WDR27: variants seen among roughly 807,000 people sequenced by gnomAD.
WDR27 encodes WD repeat domain 27.
WDR27 carries 100 observed loss-of-function variants against 114.4 expected under a neutral mutation model. The observed-to-expected ratio is 0.87, with a 90% CI of 0.74 to 1.03. The LOEUF (loss-of-function observed/expected upper bound fraction) is 1.03. Among genes scored for constraint, WDR27 ranks in the 50% least tolerant of loss-of-function variants. WDR27 has a pLI of 0.00. For synonymous variants in WDR27, 449 were observed against 423.1 expected, an observed-to-expected ratio of 1.06 and a Z score of -0.75; for missense variants, 1,129 against 1,092.9, an observed-to-expected ratio of 1.03 and a Z score of -0.47.
intron 25 of WDR27, among the ~76,000 whole-genome samples, chr6:169,497,006 CT>C (rs1458731287): frequency 3.9e-5 from 6 of 152,050 alleles, no homozygotes; most frequent in African/African-American, 1.4e-4. Flanking sequence ...AAGAACAAAA[CT>C]GGAGGACCTA....
intron 24 of WDR27, among the ~76,000 whole-genome samples, chr6:169,577,224 G>A (rs1296059728): frequency 6.6e-6 from 1 of 152,236 alleles, no homozygotes; most frequent in Non-Finnish European, 1.5e-5. Flanking sequence ...GGTGCTGCGA[G>A]GGCACCAGGG....
intron 21 of WDR27, among the ~76,000 whole-genome samples, chr6:169,631,089 C>T (rs1816239538): frequency 6.6e-6 from 1 of 152,164 alleles, no homozygotes; most frequent in Admixed American, 6.5e-5. Context: ...ACAGCTTTCC[C>T]AGAAAACACA....
At chr6:169,512,825 A>T (rs146661880) in intron 25 of WDR27, among the ~76,000 whole-genome samples, 44 of 152,346 alleles carry the variant, frequency 2.9e-4, no homozygotes, top group African/African-American at 8.9e-4. Context: ...CATGGCTAGT[A>T]GTTCTGAAGC....
chr6:169,583,754 C>CA (rs1305709439), intron 23 of WDR27, among the ~76,000 whole-genome samples: 2 of 151,372 alleles, frequency 1.3e-5, no homozygotes, highest in Non-Finnish European at 2.9e-5. Context: ...CTTTTTCCCG[C>CA]AAAAACCTAC....
intron 21 of WDR27, among the ~76,000 whole-genome samples, chr6:169,621,437 T>C (rs1813189326): frequency 6.6e-6 from 1 of 150,528 alleles, no homozygotes; most frequent in South Asian, 2.1e-4. Context: ...TTCACACATA[T>C]ACATATGCAC....
At chr6:169,572,250 A>G (rs969649877) in intron 25 of WDR27, among the ~76,000 whole-genome samples, 169 bp downstream of exon 25, 2 of 152,186 alleles carry the variant, frequency 1.3e-5, no homozygotes, top group Non-Finnish European at 2.9e-5. Context: ...AAAAATTAAA[A>G]GAATTCTGGG....
intron 21 of WDR27, among the ~76,000 whole-genome samples, chr6:169,628,008 C>T (rs1187467982): frequency 6.6e-6 from 1 of 152,154 alleles, no homozygotes; most frequent in Non-Finnish European, 1.5e-5. Flanking sequence ...CTAGGGGTGA[C>T]TCGGCGCCAT....
intron 25 of WDR27, among the ~76,000 whole-genome samples, chr6:169,471,539 T>C (rs1016904572): frequency 6.6e-6 from 1 of 152,064 alleles, no homozygotes; most frequent in African/African-American, 2.4e-5. Flanking sequence ...AGGAGGCAAG[T>C]TTTAAAATGT....
At chr6:169,647,247 C>T (rs943987128) in intron 16 of WDR27, among the ~76,000 whole-genome samples, 2 of 152,160 alleles carry the variant, frequency 1.3e-5, no homozygotes, top group Admixed American at 6.5e-5. Context: ...GAGAATCGGG[C>T]GACTGTCACG....
intron 1 of WDR27, among the ~76,000 whole-genome samples, chr6:169,696,316 G>C (rs1198238111): frequency 6.6e-6 from 1 of 152,170 alleles, no homozygotes; most frequent in Non-Finnish European, 1.5e-5. Flanking sequence ...GGGAAGAATG[G>C]CGCAGTGAAG....
At chr6:169,639,049 A>T (rs1818465795) in intron 17 of WDR27, among the ~76,000 whole-genome samples, 1 of 141,520 alleles carries the variant, frequency 7.1e-6, no homozygotes, top group African/African-American at 2.6e-5. Flanking sequence ...GGTGCTGGGT[A>T]CTGTGTGGTG....
chr6:169,668,724 G>C (rs994128260), intron 4 of WDR27: 1 of 153,052 alleles, frequency 6.5e-6, no homozygotes, highest in African/African-American at 2.4e-5. Flanking sequence ...TATCCCCAGG[G>C]AACTCCAGGC....
At chr6:169,460,599 A>C (rs1257834717) in intron 25 of WDR27, among the ~76,000 whole-genome samples, 3 of 152,202 alleles carry the variant, frequency 2.0e-5, no homozygotes, top group Non-Finnish European at 4.4e-5. Flanking sequence ...ATCAGTAATT[A>C]GTTTAAATGT....
In WDR27 at chr6:169,681,954, A is replaced by G. The variant is rs145521631; in HGVS notation, c.189+6863T>C. 2.9e-3 allele frequency among the ~76,000 whole-genome samples: 436 copies of G among 151,976 alleles called. 6 individuals carry two copies. Among genetic ancestry groups the G allele is most frequent in the African/African-American group, 0.01 (425 of 41,466 alleles). On this transcript the variant is annotated intron_variant, in intron 2 of 25. Transcript: ENST00000448612. Reference sequence around the variant, plus strand: ...TCTAGTCTCCCACCCACAGCAGATCATAAGGGGGCCCAGTCCCAGCTCCAA... The same window carrying G: ...TCTAGTCTCCCACCCACAGCAGATCGTAAGGGGGCCCAGTCCCAGCTCCAA...
At chr6:169,658,109 C>T (rs3823463) in intron 13 of WDR27, 167 bp downstream of exon 13, 59,996 of 585,260 alleles carry the variant, frequency 0.1, 8,931 homozygotes, top group East Asian at 0.6. Context: ...CCCACCACAG[C>T]GGACATGGAA....
intron 25 of WDR27, among the ~76,000 whole-genome samples, chr6:169,510,296 A>T (rs930950382): frequency 6.6e-6 from 1 of 152,168 alleles, no homozygotes; most frequent in Non-Finnish European, 1.5e-5. Context: ...TACCCAAAGG[A>T]TTCTAAATCA....
chr6:169,580,621 A>G (rs7759831), intron 24 of WDR27, among the ~76,000 whole-genome samples: 139,223 of 152,238 alleles, frequency 0.91, 63,873 homozygotes, highest in East Asian at 0.99. Context: ...TTAATTTTAC[A>G]CAGTTTTATG....
At chr6:169,694,753 T>C (rs1180880789) in intron 1 of WDR27, among the ~76,000 whole-genome samples, 2 of 152,258 alleles carry the variant, frequency 1.3e-5, no homozygotes, top group African/African-American at 2.4e-5. Context: ...TCCACCTGTC[T>C]AGGTGCTGCT....
chr6:169,476,134 A>C (rs1180551185), intron 25 of WDR27, among the ~76,000 whole-genome samples: 1 of 152,196 alleles, frequency 6.6e-6, no homozygotes, highest in Non-Finnish European at 1.5e-5. Context: ...GAACATGTCC[A>C]GGGTCCAGGG....
Sources: gnomAD v4.1 joint callset for allele counts (sites outside exome capture counted in the v4.1 genomes callset) on GRCh38, gnomAD v4.1.1 for gene constraint, MANE v1.5 for transcripts, NCBI Gene and HGNC (gene_info 2026-07-23, HGNC 2026-07-21) for gene names.